Variants in TBCK observed in about 807,000 individuals in gnomAD.
The protein encoded by TBCK is TBC1 domain containing kinase.
In TBCK, 99 loss-of-function variants were observed where a neutral mutation model predicts 113.4. The ratio of observed to expected loss-of-function variants is 0.87; its 90% CI spans 0.74 to 1.03. The LOEUF (loss-of-function observed/expected upper bound fraction) is 1.03. Among genes scored for constraint, TBCK ranks in the 50% least tolerant of loss-of-function variants. TBCK has a pLI of 0.00. For missense variants in TBCK, 1,045 were observed against 1,061.3 expected (o/e 0.98, Z 0.21); for synonymous variants, 369 against 370.8 (o/e 1.00, Z 0.05).
intron 22 of TBCK, among the ~76,000 whole-genome samples, chr4:106,176,111 T>C (rs1039158380): frequency 6.6e-6 from 1 of 152,166 alleles, no homozygotes; most frequent in Non-Finnish European, 1.5e-5. Flanking sequence ...ATGCATACAA[T>C]GTGTAATGAT....
intron 23 of TBCK, among the ~76,000 whole-genome samples, chr4:106,151,678 C>T (rs914119906): frequency 2.6e-5 from 4 of 151,904 alleles, no homozygotes; most frequent in Non-Finnish European, 4.4e-5. Flanking sequence ...GATTGTTTTG[C>T]GTTGCATGGA....
intron 2 of TBCK, among the ~76,000 whole-genome samples, chr4:106,304,152 C>T (rs1159470197): frequency 9.9e-5 from 15 of 152,146 alleles, no homozygotes; most frequent in Admixed American, 8.5e-4. Context: ...AAAGGCTATG[C>T]TTCCCAGCCT....
At chr4:106,179,015 G>A (rs920581794) in intron 22 of TBCK, among the ~76,000 whole-genome samples, 12 of 151,850 alleles carry the variant, frequency 7.9e-5, no homozygotes, top group African/African-American at 2.7e-4. Flanking sequence ...TTTCCAACTT[G>A]TTAGTGTATA....
intron 23 of TBCK, among the ~76,000 whole-genome samples, chr4:106,170,782 T>C (rs1750896650): frequency 6.6e-6 from 1 of 152,108 alleles, no homozygotes; most frequent in African/African-American, 2.4e-5. Context: ...TTTTTCTATT[T>C]TTTTAATTCT....
In TBCK at chr4:106,235,265, T is replaced by G; in HGVS notation, c.1449+4A>C. 2 of 1,586,724 alleles carry G rather than the reference T, an allele frequency of 1.3e-6. No individual in the cohort carries two copies. Among genetic ancestry groups the G allele is most frequent in the Non-Finnish European group, 1.7e-6 (2 of 1,167,054 alleles). ...CAGCTTCTAACCTTTTCTTTTTTCC[T>G]TACCTCAACTCCCAGAAGAGCAGCC... On this transcript the variant is annotated splice_donor_region_variant and intron_variant, in intron 15 of 25. Transcript: ENST00000394708.
At chr4:106,148,982 T>C (rs763491643) in intron 23 of TBCK, among the ~76,000 whole-genome samples, 5 of 152,238 alleles carry the variant, frequency 3.3e-5, no homozygotes, top group Non-Finnish European at 7.3e-5. Context: ...TTCCTTCAGC[T>C]TCTCCACCAG....
intron 5 of TBCK, among the ~76,000 whole-genome samples, chr4:106,260,010 C>A (rs781532325): frequency 6.6e-5 from 10 of 151,826 alleles, no homozygotes; most frequent in Non-Finnish European, 1.2e-4. Flanking sequence ...CAACTTGAAT[C>A]TTAATATATA....
chr4:106,165,926 T>C (rs1476328091), intron 23 of TBCK, among the ~76,000 whole-genome samples: 2 of 151,722 alleles, frequency 1.3e-5, no homozygotes, highest in East Asian at 1.9e-4. Context: ...ATAAATACAA[T>C]AGATGCATGC....
intron 23 of TBCK, among the ~76,000 whole-genome samples, chr4:106,145,536 T>C (rs1009801442): frequency 6.6e-6 from 1 of 152,168 alleles, no homozygotes; most frequent in Non-Finnish European, 1.5e-5. Flanking sequence ...AAGTGAATAT[T>C]GCAGTAAAAT....
intron 22 of TBCK, among the ~76,000 whole-genome samples, chr4:106,189,342 CA>C (rs1189938399): frequency 0.037 from 2,180 of 59,426 alleles, 19 homozygotes; most frequent in African/African-American, 0.071. Flanking sequence ...GACTCCATCT[CA>C]AAAAAAAAAA....
At chr4:106,194,901 G>A (rs1754047211) in intron 20 of TBCK, 147 bp from the exon 21 acceptor site, 1 of 774,956 alleles carries the variant, frequency 1.3e-6, no homozygotes, top group Non-Finnish European at 2.0e-6. Context: ...GTAGTGTTAA[G>A]TTTAGCCTAA....
At chr4:106,247,433 G>A in intron 9 of TBCK, 146 bp from the exon 10 acceptor site, 1 of 661,622 alleles carries the variant, frequency 1.5e-6, no homozygotes, top group Non-Finnish European at 2.5e-6. Context: ...GAGTCTAGAT[G>A]CATACTTTTA....
chr4:106,127,848 T>G (rs1437606845), intron 23 of TBCK, among the ~76,000 whole-genome samples: 1 of 152,200 alleles, frequency 6.6e-6, no homozygotes, highest in African/African-American at 2.4e-5. Context: ...ATTCTCATGA[T>G]ATAATAACTG....
intron 20 of TBCK, among the ~76,000 whole-genome samples, chr4:106,212,263 A>G (rs564837021): frequency 6.6e-6 from 1 of 152,282 alleles, no homozygotes; most frequent in South Asian, 2.1e-4. Context: ...ATTCTATGTG[A>G]CAAACAACAA....
intron 19 of TBCK, among the ~76,000 whole-genome samples, chr4:106,217,395 G>A (rs1295826338): frequency 1.3e-5 from 2 of 152,120 alleles, no homozygotes; most frequent in East Asian, 3.9e-4. Flanking sequence ...AGGAAATAAA[G>A]GGCATTCAGT....
chr4:106,092,422 G>A (rs988757339), intron 25 of TBCK, among the ~76,000 whole-genome samples: 2 of 152,238 alleles, frequency 1.3e-5, no homozygotes, highest in Non-Finnish European at 2.9e-5. Context: ...TTGGGCAGTC[G>A]ATGGGACCAG....
At chr4:106,069,981 C>A (rs1051306027) in intron 25 of TBCK, among the ~76,000 whole-genome samples, 1 of 152,112 alleles carries the variant, frequency 6.6e-6, no homozygotes, top group Non-Finnish European at 1.5e-5. Flanking sequence ...GATTTTTGCA[C>A]ATTGATTTTG....
intron 25 of TBCK, among the ~76,000 whole-genome samples, chr4:106,071,773 G>A (rs758944372): frequency 1.5e-4 from 23 of 152,162 alleles, no homozygotes; most frequent in Non-Finnish European, 2.9e-4. Context: ...TTATGAATCT[G>A]GGTGCTCCTG....
chr4:106,314,514 T>C (rs1207836889), intron 1 of TBCK, among the ~76,000 whole-genome samples: 1 of 151,918 alleles, frequency 6.6e-6, no homozygotes, highest in Non-Finnish European at 1.5e-5. Context: ...GACCTAAAAT[T>C]AGAAAAGGTT....
Sources: gnomAD v4.1 joint callset for allele counts (sites outside exome capture counted in the v4.1 genomes callset) on GRCh38, gnomAD v4.1.1 for gene constraint, MANE v1.5 for transcripts, NCBI Gene and HGNC (gene_info 2026-07-23, HGNC 2026-07-21) for gene names.